The following C10orf143 variants were observed in gnomAD, a reference collection of about 807,000 sequenced individuals.
C10orf143 encodes the protein chromosome 10 open reading frame 143, also known as uncharacterized protein C10orf143.
At chr10:130,054,570 ATT>A (rs1020714180) in intron 3 of C10orf143, among the ~76,000 whole-genome samples, 1 of 152,142 alleles carries the variant, frequency 6.6e-6, no homozygotes, top group Non-Finnish European at 1.5e-5. Context: ...GGGTAGTGCT[ATT>A]TTCAGTTTTC....
At chr10:130,076,135 G>C (rs1447923458) in intron 3 of C10orf143, among the ~76,000 whole-genome samples, 1 of 152,000 alleles carries the variant, frequency 6.6e-6, no homozygotes, top group Non-Finnish European at 1.5e-5. Context: ...ACAGGCACCA[G>C]GTAGTTCTTT....
chr10:130,110,408 C>T (rs997290481), intron 1 of C10orf143, among the ~76,000 whole-genome samples: 1 of 152,214 alleles, frequency 6.6e-6, no homozygotes, highest in Non-Finnish European at 1.5e-5. Context: ...TGAGTCTCGG[C>T]CCATGTTTTA....
downstream of C10orf143, among the ~76,000 whole-genome samples, chr10:130,060,758 G>T (rs959153675): frequency 2.1e-5 from 3 of 144,580 alleles, no homozygotes; most frequent in African/African-American, 7.7e-5. Flanking sequence ...GGGAGGTGGA[G>T]CTTGCAGTGA....
At chr10:130,063,055 T>C (rs1860873564), downstream of C10orf143, among the ~76,000 whole-genome samples, 1 of 151,902 alleles carries the variant, frequency 6.6e-6, no homozygotes, top group Non-Finnish European at 1.5e-5. Context: ...TCGGTGGAGA[T>C]GAGATGGGAA....
chr10:130,036,654 G>T (rs1294316601), intron 3 of C10orf143, among the ~76,000 whole-genome samples: 2 of 152,226 alleles, frequency 1.3e-5, no homozygotes, highest in Non-Finnish European at 2.9e-5. Flanking sequence ...AAAGAGGGAA[G>T]CCCACATGGC....
intron 1 of C10orf143, among the ~76,000 whole-genome samples, chr10:130,084,527 T>C (rs1489707671): frequency 6.6e-6 from 1 of 152,034 alleles, no homozygotes; most frequent in Non-Finnish European, 1.5e-5. Context: ...AAGCTACAAA[T>C]ACAGAAAAGG....
intron 1 of C10orf143, chr10:130,107,258 C>A: frequency 8.3e-7 from 1 of 1,211,524 alleles, no homozygotes; most frequent in Non-Finnish European, 1.2e-6. Flanking sequence ...GGAAAATAGC[C>A]GGTTAGAGAA....
intron 3 of C10orf143, among the ~76,000 whole-genome samples, chr10:130,042,375 G>A (rs1265121746): frequency 1.3e-5 from 2 of 152,248 alleles, no homozygotes; most frequent in African/African-American, 4.8e-5. Context: ...TCTTAGAAGA[G>A]TTTGTGAATG....
chr10:130,038,308 T>C (rs1047176776), intron 3 of C10orf143, among the ~76,000 whole-genome samples: 2 of 152,110 alleles, frequency 1.3e-5, no homozygotes, highest in African/African-American at 4.8e-5. Context: ...TCCTCAGTTG[T>C]ATGTTGTTTA....
chr10:130,038,795 C>G (rs1330482086), intron 3 of C10orf143, among the ~76,000 whole-genome samples: 1 of 152,146 alleles, frequency 6.6e-6, no homozygotes, highest in African/African-American at 2.4e-5. Flanking sequence ...CAGTGCAGCA[C>G]AGAGCACAAC....
chr10:130,074,185 CAG>C (rs1861077499), intron 3 of C10orf143, among the ~76,000 whole-genome samples: 1 of 152,210 alleles, frequency 6.6e-6, no homozygotes, highest in South Asian at 2.1e-4. Context: ...GGGCTCCAAG[CAG>C]AGTGCTCAGG....
intron 1 of C10orf143, among the ~76,000 whole-genome samples, chr10:130,098,456 C>G (rs1861497082): frequency 1.3e-5 from 2 of 152,296 alleles, no homozygotes; most frequent in African/African-American, 4.8e-5. Context: ...GGCGTTTTCC[C>G]CAAATGAATT....
intron 1 of C10orf143, among the ~76,000 whole-genome samples, chr10:130,096,868 G>A (rs954152807): frequency 4.1e-5 from 6 of 144,640 alleles, no homozygotes; most frequent in Admixed American, 1.4e-4. Flanking sequence ...AAAAGAAAAC[G>A]AAAAGACAAG....
intron 1 of C10orf143, among the ~76,000 whole-genome samples, chr10:130,098,584 A>G (rs1242448579): frequency 6.6e-6 from 1 of 152,186 alleles, no homozygotes; most frequent in Non-Finnish European, 1.5e-5. Flanking sequence ...CAGTCAACCA[A>G]AAAGCCTTTC....
chr10:130,082,299 A>T (rs1036839462), intron 1 of C10orf143, among the ~76,000 whole-genome samples: 10 of 151,996 alleles, frequency 6.6e-5, no homozygotes, highest in Non-Finnish European at 1.2e-4. Flanking sequence ...GGTATGAGCC[A>T]CTGTGCCCAG....
chr10:130,079,687 T>C, intron 2 of C10orf143, 50 bp downstream of exon 2: 1 of 398,886 alleles, frequency 2.5e-6, no homozygotes, highest in South Asian at 1.3e-4. Context: ...CACTTTCTAT[T>C]AAAATATTTC....
At chr10:130,063,235 G>A (rs1860876511), downstream of C10orf143, among the ~76,000 whole-genome samples, 2 of 152,168 alleles carry the variant, frequency 1.3e-5, no homozygotes, top group African/African-American at 2.4e-5. Context: ...CTCCATGAAC[G>A]AGGGTGAGAA....
chr10:130,053,216 A>G (rs1187424524), intron 3 of C10orf143, among the ~76,000 whole-genome samples: 1 of 152,112 alleles, frequency 6.6e-6, no homozygotes, highest in African/African-American at 2.4e-5. Context: ...CCCTGCCATC[A>G]CACCCAGCTA....
At position 130,064,368 on chromosome 10, in the gene C10orf143, T is replaced by A; in HGVS notation, c.313A>T (p.Thr105Ser). ...IAGESGHFSH[T>S]KNH ...GCTTGCATCTTCTAATGATTCTTGG[T>A]ATGGCTAAAATGTCCCTACAAAGAT... The change falls in exon 4 of 4, where the codon ACC becomes TCC. Residue 105 changes from threonine to serine, a missense_variant. Physicochemically the swap from Thr to Ser is moderately conservative, Grantham distance 58. Transcript: ENST00000637128. The A allele has an allele frequency of 2.5e-6, 1 of 398,600 alleles. No homozygotes were observed. The highest frequency in any genetic ancestry group is 4.4e-5 in the Admixed American group (1 of 22,730). The allele number at this position is 398,600 out of a possible 1,614,324, so 24.7% of individuals were successfully genotyped here.
Sources: gnomAD v4.1 joint callset for allele counts (sites outside exome capture counted in the v4.1 genomes callset) on GRCh38, gnomAD v4.1.1 for gene constraint, MANE v1.5 for transcripts, NCBI Gene and HGNC (gene_info 2026-07-23, HGNC 2026-07-21) for gene names.